Variants in RTN1 observed in about 807,000 individuals in gnomAD.
The protein encoded by RTN1 is reticulon 1.
RTN1 carries 25 observed loss-of-function variants against 65.5 expected under a neutral mutation model. The observed-to-expected ratio is 0.38, with a 90% CI of 0.28 to 0.53. RTN1 has a LOEUF of 0.53. Ranked by LOEUF, RTN1 falls within the 20% of genes least tolerant of loss-of-function variation. RTN1 has a pLI of 0.79. For synonymous variants in RTN1, 471 were observed against 447.6 expected (o/e 1.05, Z -0.66); for missense variants, 983 against 1,025.4 (o/e 0.96, Z 0.57).
At chr14:59,733,949 A>T (rs920331689) in intron 2 of RTN1, among the ~76,000 whole-genome samples, 1 of 152,130 alleles carries the variant, frequency 6.6e-6, no homozygotes, top group Non-Finnish European at 1.5e-5. Flanking sequence ...CCTCCCAACC[A>T]GGGTCTCCAG....
chr14:59,684,876 G>A (rs1328111861), intron 3 of RTN1, among the ~76,000 whole-genome samples: 2 of 152,080 alleles, frequency 1.3e-5, no homozygotes, highest in African/African-American at 4.8e-5. Flanking sequence ...GTACAGTGCT[G>A]CTGATGAGAA....
rs549377517 is a variant in RTN1, at chr14:59,613,768, T to C, written c.1766-6276A>G. Among the ~76,000 whole-genome samples the C allele has an allele frequency of 1.5e-4, 23 of 151,936 alleles. No homozygotes were observed. The South Asian group carries it at 2.5e-3, about 16-fold the overall frequency. On this transcript the variant is annotated intron_variant, in intron 3 of 8. Transcript: ENST00000267484. ...ATAACTTCTGGTAGCCTGAGATTCA[T>C]TGGGAAAAACAGAGGAGGCACCACA...
intron 3 of RTN1, among the ~76,000 whole-genome samples, chr14:59,716,205 G>T (rs573495782): frequency 6.6e-5 from 10 of 152,290 alleles, no homozygotes; most frequent in South Asian, 2.1e-4. Context: ...AGCTTTGCTT[G>T]TAAGCAGGCC....
intron 2 of RTN1, among the ~76,000 whole-genome samples, chr14:59,729,902 G>A (rs923807756): frequency 3.9e-5 from 6 of 152,238 alleles, no homozygotes; most frequent in African/African-American, 1.4e-4. Context: ...GGGCTGGGAT[G>A]AAGGAGATGT....
chr14:59,707,692 C>T (rs774240279), intron 3 of RTN1, among the ~76,000 whole-genome samples: 14 of 145,910 alleles, frequency 9.6e-5, no homozygotes, highest in Admixed American at 3.6e-4. Context: ...CTCTCTTTCC[C>T]TCTGTCTCTC....
intron 1 of RTN1, among the ~76,000 whole-genome samples, chr14:59,782,083 A>C (rs563566079): frequency 1.3e-5 from 2 of 152,256 alleles, no homozygotes; most frequent in South Asian, 2.1e-4. Context: ...TCCCTTCCAC[A>C]ATGTGAGGAT....
intron 1 of RTN1, among the ~76,000 whole-genome samples, chr14:59,807,986 G>A (rs1419415376): frequency 6.6e-6 from 1 of 152,144 alleles, no homozygotes; most frequent in African/African-American, 2.4e-5. Context: ...ATTAAGCCAA[G>A]CGAGTCATAC....
intron 3 of RTN1, among the ~76,000 whole-genome samples, chr14:59,656,388 GA>G (rs915226270): frequency 6.6e-6 from 1 of 152,158 alleles, no homozygotes; most frequent in African/African-American, 2.4e-5. Context: ...AAATATGGAA[GA>G]AAAAAATTGG....
chr14:59,743,224 C>T (rs1479491789), intron 2 of RTN1, among the ~76,000 whole-genome samples: 1 of 152,158 alleles, frequency 6.6e-6, no homozygotes, highest in East Asian at 1.9e-4. Flanking sequence ...TCTCCAGAAC[C>T]CAATTGGGCC....
intron 1 of RTN1, among the ~76,000 whole-genome samples, chr14:59,837,014 G>T (rs1305907279): frequency 6.7e-6 from 1 of 150,220 alleles, no homozygotes; most frequent in African/African-American, 2.5e-5. Context: ...CCACACAGAA[G>T]AATAAGGGGT....
chr14:59,641,104 A>T (rs937308538), intron 3 of RTN1, among the ~76,000 whole-genome samples: 8 of 152,024 alleles, frequency 5.3e-5, no homozygotes, highest in Non-Finnish European at 2.9e-5. Context: ...GACTACAGGC[A>T]TGTGCCACCG....
At chr14:59,861,835 A>C (rs917977596) in intron 1 of RTN1, among the ~76,000 whole-genome samples, 1 of 152,122 alleles carries the variant, frequency 6.6e-6, no homozygotes, top group Non-Finnish European at 1.5e-5. Context: ...TTCTTTAACT[A>C]TCTCTCAAAT....
At chr14:59,795,700 T>C (rs1000610437) in intron 1 of RTN1, among the ~76,000 whole-genome samples, 1 of 152,210 alleles carries the variant, frequency 6.6e-6, no homozygotes, top group South Asian at 2.1e-4. Flanking sequence ...CATTAAAAGA[T>C]AAGGGGCAAA....
intron 1 of RTN1, among the ~76,000 whole-genome samples, chr14:59,793,628 G>A (rs980797092): frequency 1.4e-4 from 18 of 129,014 alleles, no homozygotes; most frequent in Admixed American, 4.5e-4. Context: ...GTCAATTACA[G>A]GCACACACCA....
rs1410411781 is a variant in RTN1 at position 59,698,471 on chromosome 14, C to T, written c.1765+28448G>A. On this transcript the variant is annotated intron_variant, in intron 3 of 8. Coordinates refer to ENST00000267484, the MANE Select transcript of RTN1 (RefSeq NM_021136.3). ...ACCCAAATCTCATCTTGAACTCCCA[C>T]GTGTTGTGGGAGGGACATGGTGGGA... Among the ~76,000 whole-genome samples the T allele has an allele frequency of 2.0e-5, 3 of 152,090 alleles. No individual in the cohort carries two copies. The East Asian group carries it at 5.8e-4, about 29-fold the overall frequency.
At chr14:59,844,292 G>A (rs997255146) in intron 1 of RTN1, among the ~76,000 whole-genome samples, 2 of 152,236 alleles carry the variant, frequency 1.3e-5, no homozygotes, top group African/African-American at 4.8e-5. Flanking sequence ...ACGAATGAAT[G>A]TCCTTATCAC....
rs1210890160 is a variant in RTN1, at chr14:59,816,506, A to C, written c.241+53884T>G. Among the ~76,000 whole-genome samples the C allele has an allele frequency of 1.3e-5, 2 of 152,210 alleles. No homozygotes were observed. The highest frequency in any genetic ancestry group is 2.9e-5 in the Non-Finnish European group (2 of 68,042). On this transcript the variant is annotated intron_variant, in intron 1 of 8. Transcript: ENST00000267484. The surrounding 1 kb of genome is among the most constrained non-coding windows in gnomAD (Gnocchi z 4.3). ...GCACCTGAGACACAGTAGGAGGCTT[A>C]ATAAATATTTATTGCACATAGAAAT...
chr14:59,680,230 C>A (rs981976519), intron 3 of RTN1, among the ~76,000 whole-genome samples: 1 of 152,120 alleles, frequency 6.6e-6, no homozygotes, highest in African/African-American at 2.4e-5. Context: ...TCATAAACCT[C>A]CTCCAAAATA....
intron 3 of RTN1, among the ~76,000 whole-genome samples, chr14:59,665,558 A>T (rs1883349820): frequency 1.3e-5 from 2 of 152,190 alleles, no homozygotes; most frequent in African/African-American, 4.8e-5. Context: ...ATCAGCAAAC[A>T]TCGTAGTGAG....
Sources: gnomAD v4.1 joint callset for allele counts (sites outside exome capture counted in the v4.1 genomes callset) on GRCh38, gnomAD v4.1.1 for gene constraint, Gnocchi (gnomAD v3.1) non-coding constraint, MANE v1.5 for transcripts, NCBI Gene and HGNC (gene_info 2026-07-23, HGNC 2026-07-21) for gene names.